Variants in CCDC60 observed in about 807,000 individuals in gnomAD.
CCDC60 encodes the protein coiled-coil domain containing 60.
A neutral mutation model predicts 63.5 loss-of-function variants in CCDC60; 54 were observed. The observed-to-expected ratio is 0.85, with a 90% CI of 0.68 to 1.07. The LOEUF is 1.07. Ranked by LOEUF, CCDC60 falls within the 50% of genes least tolerant of loss-of-function variation. The pLI is 0.00. For synonymous variants in CCDC60, 206 were observed against 238.8 expected, an observed-to-expected ratio of 0.86 and a Z score of 1.27; for missense variants, 651 against 684.3, an observed-to-expected ratio of 0.95 and a Z score of 0.54.
intron 6 of CCDC60, among the ~76,000 whole-genome samples, chr12:119,504,177 C>G (rs1242832130): frequency 1.3e-5 from 2 of 152,128 alleles, no homozygotes; most frequent in Non-Finnish European, 2.9e-5. Flanking sequence ...TGGCATTAAC[C>G]TAACTTAGGT....
chr12:119,427,785 TC>T (rs1300907784), intron 1 of CCDC60, among the ~76,000 whole-genome samples: 12 of 152,292 alleles, frequency 7.9e-5, no homozygotes, highest in African/African-American at 2.6e-4. Context: ...TAGGTAATAT[TC>T]TGATTATTGT....
chr12:119,524,716 C>CTTTTTTTTTTT lies in CCDC60; in HGVS notation c.1229+902_1229+903insTTTTTTTTTTT, dbSNP rs1416953138. Among the ~76,000 whole-genome samples, 92 of 90,558 alleles carry CTTTTTTTTTTT rather than the reference C, an allele frequency of 1.0e-3. 2 individuals are homozygous for CTTTTTTTTTTT. The highest frequency in any genetic ancestry group is 3.2e-3 in the African/African-American group (61 of 18,828). 59.4% of individuals were successfully genotyped at this position (90,558 alleles called of 152,430 possible). ...AGGAAACAGCAGTTTCTTTTCTTTT[C>CTTTTTTTTTTT]TTTTCTTTTTTTTTTTTTTTTTTTG... is the stretch of plus-strand genomic sequence containing the variant. On this transcript the variant is annotated intron_variant, in intron 11 of 13. Coordinates refer to ENST00000327554, the MANE Select transcript of CCDC60 (RefSeq NM_178499.5).
chr12:119,428,058 T>C (rs1438335458), intron 1 of CCDC60, among the ~76,000 whole-genome samples: 1 of 152,130 alleles, frequency 6.6e-6, no homozygotes, highest in African/African-American at 2.4e-5. Flanking sequence ...TTCTGAGTAA[T>C]GTGAGATTTC....
intron 1 of CCDC60, among the ~76,000 whole-genome samples, chr12:119,416,628 AT>A (rs530218497): frequency 2.6e-5 from 4 of 151,874 alleles, no homozygotes; most frequent in Non-Finnish European, 2.9e-5. Flanking sequence ...AGCTCAATAG[AT>A]TTTTTTTTAC....
chr12:119,505,597 T>C (rs1951977570), intron 7 of CCDC60, among the ~76,000 whole-genome samples: 1 of 152,274 alleles, frequency 6.6e-6, no homozygotes, highest in African/African-American at 2.4e-5. Context: ...GGCTCATGCC[T>C]GTAATCCCAG....
chr12:119,451,760 T>C (rs1950639834), intron 2 of CCDC60, among the ~76,000 whole-genome samples: 1 of 152,092 alleles, frequency 6.6e-6, no homozygotes, highest in Non-Finnish European at 1.5e-5. Context: ...ATTAAATGAA[T>C]TGCATTCAAA....
intron 1 of CCDC60, among the ~76,000 whole-genome samples, chr12:119,361,324 C>T (rs1318852146): frequency 6.6e-6 from 1 of 152,152 alleles, no homozygotes; most frequent in Non-Finnish European, 1.5e-5. Context: ...CAGAGGTTCA[C>T]ATTACAGAAA....
At chr12:119,405,090 TAAG>T (rs1422211490) in intron 1 of CCDC60, among the ~76,000 whole-genome samples, 1 of 152,188 alleles carries the variant, frequency 6.6e-6, no homozygotes, top group Non-Finnish European at 1.5e-5. Context: ...TTGAAAATAA[TAAG>T]CAAGTTCAGC....
At chr12:119,387,317 A>C (rs1486426284) in intron 1 of CCDC60, among the ~76,000 whole-genome samples, 2 of 152,170 alleles carry the variant, frequency 1.3e-5, no homozygotes, top group East Asian at 1.9e-4. Context: ...ACAACAACAA[A>C]AAAAACCTCT....
intron 8 of CCDC60, 25 bp downstream of exon 8, chr12:119,516,732 A>C (rs750698121): frequency 7.3e-6 from 11 of 1,506,588 alleles, no homozygotes; most frequent in Admixed American, 5.2e-5. Flanking sequence ...CTCCTGGGGC[A>C]AATAAAGCTT....
chr12:119,398,160 C>T (rs181862651), intron 1 of CCDC60, among the ~76,000 whole-genome samples: 46 of 127,514 alleles, frequency 3.6e-4, no homozygotes, highest in Admixed American at 9.5e-4. Context: ...TCAGGCATGG[C>T]GGGCTGCAGG....
At position 119,540,966 on chromosome 12, in the gene CCDC60, C is replaced by A. The variant is rs910340533; in HGVS notation, c.*251C>A. On this transcript the variant is annotated 3_prime_UTR_variant, in exon 14 of 14. Transcript: ENST00000327554. ...TCTGTTCTTCAATGATCCAGCCTGA[C>A]TCTACCTACTTCCTCTTCAGATTCC... 3 of 399,712 alleles carry A rather than the reference C, an allele frequency of 7.5e-6. No individual in the cohort carries two copies. Among genetic ancestry groups the A allele is most frequent in the Non-Finnish European group, 1.3e-5 (3 of 224,354 alleles). The allele number at this position is 399,712 out of a possible 1,614,324, so 24.8% of individuals were successfully genotyped here.
chr12:119,408,637 C>G (rs933637744), intron 1 of CCDC60, among the ~76,000 whole-genome samples: 2 of 152,166 alleles, frequency 1.3e-5, no homozygotes, highest in Non-Finnish European at 2.9e-5. Context: ...TCCTGGCTAA[C>G]ACGGTGAAAC....
intron 2 of CCDC60, chr12:119,433,567 A>G (rs1189116454): frequency 2.8e-6 from 2 of 702,264 alleles, no homozygotes; most frequent in South Asian, 1.5e-5. Context: ...AAGGGAAGTC[A>G]TCTCTCCAAG....
At chr12:119,392,673 G>T (rs987380343) in intron 1 of CCDC60, among the ~76,000 whole-genome samples, 1 of 152,192 alleles carries the variant, frequency 6.6e-6, no homozygotes, top group African/African-American at 2.4e-5. Flanking sequence ...CGGGATGAAT[G>T]AATCAATCAA....
intron 1 of CCDC60, among the ~76,000 whole-genome samples, chr12:119,351,085 C>T (rs1367058496): frequency 6.6e-6 from 1 of 152,236 alleles, no homozygotes; most frequent in South Asian, 2.1e-4. Context: ...AGCTCTTGAG[C>T]AATCCCAATG....
chr12:119,531,321 C>T (rs1188970769), intron 13 of CCDC60, among the ~76,000 whole-genome samples: 1 of 152,100 alleles, frequency 6.6e-6, no homozygotes, highest in African/African-American at 2.4e-5. Flanking sequence ...AATAAGGAGT[C>T]CTTTATCTTG....
At chr12:119,396,966 G>A (rs1239236770) in intron 1 of CCDC60, among the ~76,000 whole-genome samples, 1 of 152,202 alleles carries the variant, frequency 6.6e-6, no homozygotes, top group Non-Finnish European at 1.5e-5. Context: ...GTTCAGATGT[G>A]TCCAGAGTTT....
Position 119,527,098 on chromosome 12 carries a change from A to C in CCDC60, c.1230-1517A>C, listed in dbSNP as rs1211878493. Among the ~76,000 whole-genome samples, 3 of 152,206 alleles carry C rather than the reference A, an allele frequency of 2.0e-5. No homozygotes were observed. The East Asian group carries it at 5.8e-4, about 29-fold the overall frequency. ...TTATGCAGCCATAAAAAAGAATGAG[A>C]TCATGTATTTTTGGGGAACATAGAT... On this transcript the variant is annotated intron_variant, in intron 11 of 13. Transcript: ENST00000327554.
Sources: allele counts gnomAD v4.1 joint callset (sites outside exome capture counted in the v4.1 genomes callset), GRCh38; gene constraint gnomAD v4.1.1; transcripts MANE v1.5; gene names NCBI Gene and HGNC (gene_info 2026-07-23, HGNC 2026-07-21).